Variants in OR2Z1 observed in about 807,000 individuals in gnomAD.
The protein encoded by OR2Z1 is olfactory receptor 2Z1.
For synonymous variants in OR2Z1, 188 were observed against 160.6 expected (o/e 1.17, Z -1.29); for missense variants, 449 against 401.8 (o/e 1.12, Z -1.00).
intron 2 of OR2Z1, among the ~76,000 whole-genome samples, chr19:8,725,335 T>G (rs1328548671): frequency 6.6e-6 from 1 of 152,116 alleles, no homozygotes; most frequent in Non-Finnish European, 1.5e-5. Context: ...CTCTGCCTCC[T>G]GGGTTTAAGC....
At chr19:8,729,634 A>C (rs1448034292) in intron 2 of OR2Z1, among the ~76,000 whole-genome samples, 5 of 151,426 alleles carry the variant, frequency 3.3e-5, no homozygotes, top group African/African-American at 1.2e-4. Context: ...CTTGTTGCCC[A>C]GGCCAGAGTG....
intron 2 of OR2Z1, 95 bp from the exon 3 acceptor site, chr19:8,730,765 G>C (rs1461901368): frequency 1.9e-6 from 1 of 531,164 alleles, no homozygotes; most frequent in Admixed American, 3.3e-5. Flanking sequence ...CTCTTCATTG[G>C]AGTGTGGCCA....
chr19:8,722,934 C>G (rs1160070108), intron 1 of OR2Z1, among the ~76,000 whole-genome samples, 172 bp from the exon 2 acceptor site: 1 of 152,078 alleles, frequency 6.6e-6, no homozygotes, highest in Non-Finnish European at 1.5e-5. Context: ...ATGGCTTGAG[C>G]CCAGGAGTTG....
At chr19:8,723,419 G>A (rs1555755849) in intron 2 of OR2Z1, among the ~76,000 whole-genome samples, 1 of 152,058 alleles carries the variant, frequency 6.6e-6, no homozygotes, top group African/African-American at 2.4e-5. Context: ...AAATCATCAT[G>A]CATGTATTTT....
At chr19:8,727,743 T>C (rs2043333622) in intron 2 of OR2Z1, among the ~76,000 whole-genome samples, 1 of 152,182 alleles carries the variant, frequency 6.6e-6, no homozygotes, top group Non-Finnish European at 1.5e-5. Context: ...GGCATGTGCC[T>C]GTAATCCAAG....
chr19:8,727,301 T>C (rs2043331404), intron 2 of OR2Z1, among the ~76,000 whole-genome samples: 1 of 152,150 alleles, frequency 6.6e-6, no homozygotes, highest in Non-Finnish European at 1.5e-5. Flanking sequence ...TTTTGTGTTG[T>C]CTGAGAGACA....
In OR2Z1 at chr19:8,730,852, C is replaced by T; in HGVS notation, c.-169-8C>T. 1 of 609,460 alleles carries T rather than the reference C, an allele frequency of 1.6e-6. No individual in the cohort carries two copies. The highest frequency in any genetic ancestry group is 2.9e-6 in the Non-Finnish European group (1 of 344,676). 37.8% of individuals were successfully genotyped at this position (609,460 alleles called of 1,614,324 possible). A position where few individuals can be genotyped will look rare whatever the true frequency, so the allele number is the denominator to read the frequency against. On this transcript the variant is annotated splice_polypyrimidine_tract_variant and splice_region_variant and intron_variant, in intron 2 of 2. Transcript: ENST00000641125. ...TAGACACTAACTGATTAAGTTTTCT[C>T]CCTCCAGCCTACTGATTCTAGCTGC...
At position 8,731,758 on chromosome 19, in the gene OR2Z1, C is replaced by T. The variant is rs1555756835; in HGVS notation, c.730C>T (p.His244Tyr). The T allele has an allele frequency of 6.2e-7, 1 of 1,614,238 alleles. No homozygotes were observed. Among genetic ancestry groups the T allele is most frequent in the Admixed American group, 1.7e-5 (1 of 60,032 alleles). The change falls in exon 3 of 3, where the codon CAC (histidine) becomes TAC (tyrosine). Residue 244 changes from histidine (H) to tyrosine (Y), a missense_variant. Coordinates refer to ENST00000641125, the MANE Select transcript of OR2Z1 (RefSeq NM_001004699.3). ...CAAGGCTGTCACCACCTGCTCCTCG[C>T]ACATCACGGTAGTGGGGCTCTTTTA... ...RHKAVTTCSS[H>Y]ITVVGLFYGA...
At chr19:8,723,346 C>G (rs1331485921) in intron 2 of OR2Z1, among the ~76,000 whole-genome samples, 196 bp downstream of exon 2, 1 of 152,090 alleles carries the variant, frequency 6.6e-6, no homozygotes, top group Non-Finnish European at 1.5e-5. Context: ...AACTTCCATG[C>G]CTCCTTCTCT....
intron 2 of OR2Z1, among the ~76,000 whole-genome samples, chr19:8,726,713 A>T (rs2043329042): frequency 6.6e-6 from 1 of 152,164 alleles, no homozygotes; most frequent in South Asian, 2.1e-4. Flanking sequence ...GAATGCATGG[A>T]TGAATGGTAG....
intron 1 of OR2Z1, among the ~76,000 whole-genome samples, chr19:8,722,588 C>T (rs78402639): frequency 6.6e-6 from 1 of 152,190 alleles, no homozygotes; most frequent in African/African-American, 2.4e-5. Flanking sequence ...TTAGGAATCA[C>T]TGTGAGATGT....
rs376022478 is a variant in OR2Z1 at position 8,731,493 on chromosome 19, C to T, written c.465C>T (p.Asn155=). The change falls in exon 3 of 3, where the codon AAC becomes AAT. Residue 155 remains asparagine (N), a synonymous_variant. Coordinates refer to ENST00000641125, the MANE Select transcript of OR2Z1 (RefSeq NM_001004699.3). ...CCTCCTGGGTGGTAGGTGTGCTCAACGCCTCCATCCAGACCTCCATCACCC... is the reference window on the plus strand; with the variant it reads ...CCTCCTGGGTGGTAGGTGTGCTCAATGCCTCCATCCAGACCTCCATCACCC... ...MGSSWVVGVL[N]ASIQTSITLH... is the part of the protein sequence containing the mutation. 1.4e-5 allele frequency: 22 copies of T among 1,613,960 alleles called. No individual in the cohort carries two copies. Among genetic ancestry groups the T allele is most frequent in the African/African-American group, 8.0e-5 (6 of 74,890 alleles).
chr19:8,726,588 T>C (rs1318216631), intron 2 of OR2Z1, among the ~76,000 whole-genome samples: 1 of 152,228 alleles, frequency 6.6e-6, no homozygotes, highest in Non-Finnish European at 1.5e-5. Flanking sequence ...ATTTATCTTC[T>C]TGTTGGTCAT....
intron 2 of OR2Z1, among the ~76,000 whole-genome samples, chr19:8,727,224 G>T (rs560088514): frequency 1.3e-5 from 2 of 152,274 alleles, no homozygotes; most frequent in East Asian, 3.9e-4. Context: ...GATTACAGAC[G>T]TGAGTCAGTG....
Position 8,730,020 on chromosome 19 carries a change from T to C in OR2Z1, c.-169-840T>C, listed in dbSNP as rs181096114. On this transcript the variant is annotated intron_variant, in intron 2 of 2. Coordinates refer to ENST00000641125, the MANE Select transcript of OR2Z1 (RefSeq NM_001004699.3). ...CACTGTGCCCAGCCAATTGTATTCT[T>C]TTTTATGGCTGCATAGCAATCCATG... Among the ~76,000 whole-genome samples, 12 of 152,248 alleles carry C rather than the reference T, an allele frequency of 7.9e-5. No individual in the cohort carries two copies. In the East Asian group the frequency reaches 2.1e-3, roughly 27 times the overall value.
At chr19:8,728,568 G>T (rs1019472380) in intron 2 of OR2Z1, among the ~76,000 whole-genome samples, 1 of 152,026 alleles carries the variant, frequency 6.6e-6, no homozygotes, top group African/African-American at 2.4e-5. Flanking sequence ...TGTTAAATAC[G>T]TTTGGGGGTA....
intron 2 of OR2Z1, among the ~76,000 whole-genome samples, chr19:8,724,679 C>A (rs542815730): frequency 1.3e-5 from 2 of 152,194 alleles, no homozygotes; most frequent in South Asian, 4.2e-4. Context: ...TTTCGGGGCT[C>A]AGGGGTTGAT....
rs781783013 is a variant in OR2Z1, at chr19:8,731,441, G to A, written c.413G>A (p.Arg138His). The change falls in exon 3 of 3, where the codon CGC (arginine) becomes CAC (histidine). Residue 138 changes from arginine (R) to histidine (H), a missense_variant. Arg to His is a conservative substitution (Grantham distance 29). Transcript: ENST00000641125. The stretch of plus-strand genomic sequence containing the variant: ...CTGCAGTATCCTGTACTTATGAGAC[G>A]CCAGGTATGTCTGCTGATGATGGGC... The part of the protein sequence containing the change: ...QPLQYPVLMR[R>H]QVCLLMMGSS... 1.2e-5 allele frequency: 19 copies of A among 1,613,960 alleles called. No homozygotes were observed. In the Admixed American group the frequency reaches 1.3e-4, roughly 11 times the overall value.
chr19:8,729,776 G>C (rs550373872), intron 2 of OR2Z1, among the ~76,000 whole-genome samples: 1 of 152,200 alleles, frequency 6.6e-6, no homozygotes, highest in African/African-American at 2.4e-5. Flanking sequence ...TTTTAGTAGA[G>C]ATGGGGTTTC....
Sources: allele counts gnomAD v4.1 joint callset (sites outside exome capture counted in the v4.1 genomes callset), GRCh38; gene constraint gnomAD v4.1.1; transcripts MANE v1.5; gene names NCBI Gene and HGNC (gene_info 2026-07-23, HGNC 2026-07-21).